ZEB2: variants seen among roughly 807,000 people sequenced by gnomAD.
ZEB2 encodes zinc finger E-box binding homeobox 2, also known as zinc finger E-box-binding homeobox 2.
Under a neutral mutation model 99.9 loss-of-function variants are expected in ZEB2, and 6 were observed. That is an observed-to-expected ratio of 0.06 (90% CI 0.03 to 0.12). The LOEUF (loss-of-function observed/expected upper bound fraction) is 0.12, where lower values mean the gene tolerates loss of function less well. Ranked by LOEUF, ZEB2 falls within the 10% of genes least tolerant of loss-of-function variation. ZEB2 has a pLI of 1.00. For missense variants in ZEB2, 969 were observed against 1,502.8 expected (o/e 0.64, Z 5.87); for synonymous variants, 517 against 542.5 (o/e 0.95, Z 0.65).
Position 144,398,820 on chromosome 2 carries a change from G to C in ZEB2, c.2367C>G (p.Ser789=). Residue 789 remains serine (S), a synonymous_variant, in exon 8 of 10, where the codon TCC becomes TCG. Coordinates refer to ENST00000627532, the MANE Select transcript of ZEB2 (RefSeq NM_014795.4). ...RSNTPSPLNL[S]STSSKNSHSS... The stretch of plus-strand genomic sequence containing the variant: ...TGTGGGAGTTTTTAGAAGATGTGGA[G>C]GAAAGATTTAAGGGAGAAGGAGTAT... 6.2e-7 allele frequency: 1 copy of C among 1,614,056 alleles called. No individual in the cohort carries two copies. Among genetic ancestry groups the C allele is most frequent in the Non-Finnish European group, 8.5e-7 (1 of 1,180,014 alleles).
intron 2 of ZEB2, among the ~76,000 whole-genome samples, chr2:144,460,430 C>T (rs1704176612): frequency 6.6e-6 from 1 of 151,952 alleles, no homozygotes; most frequent in Non-Finnish European, 1.5e-5. Context: ...GCCCAGCCAG[C>T]CTTATAAGCA....
chr2:144,504,199 C>T (rs1436348728), intron 2 of ZEB2: 1 of 151,988 alleles, frequency 6.6e-6, no homozygotes, highest in African/African-American at 2.4e-5. Flanking sequence ...AACTTTCCTT[C>T]CGTTTAATTA....
chr2:144,426,424 G>C (rs536315304), intron 3 of ZEB2: 2 of 151,934 alleles, frequency 1.3e-5, no homozygotes, highest in Non-Finnish European at 2.9e-5. Context: ...ATGTGATTTC[G>C]GGTAGCCAAG....
chr2:144,404,611 G>A (rs955901776), intron 5 of ZEB2, among the ~76,000 whole-genome samples: 1 of 152,138 alleles, frequency 6.6e-6, no homozygotes, highest in African/African-American at 2.4e-5. Context: ...TTAGAAATGG[G>A]CTCTAATTGT....
At chr2:144,490,238 C>A (rs542397516) in intron 2 of ZEB2, among the ~76,000 whole-genome samples, 76 of 152,316 alleles carry the variant, frequency 5.0e-4, no homozygotes, top group Non-Finnish European at 1.0e-3. Context: ...AGTTATTTAA[C>A]TTTGCTAAGC....
intron 2 of ZEB2, chr2:144,463,358 C>T (rs1233281291): frequency 6.6e-6 from 1 of 151,944 alleles, no homozygotes; most frequent in Non-Finnish European, 1.5e-5. Context: ...TGTTTCAAAA[C>T]TAATAGCCAA....
chr2:144,517,081 C>T (rs1705163026), intron 2 of ZEB2, among the ~76,000 whole-genome samples, 197 bp downstream of exon 2: 1 of 150,192 alleles, frequency 6.7e-6, no homozygotes, highest in African/African-American at 2.4e-5. Context: ...CTCACTTTGC[C>T]CGGCACTTCC....
intron 2 of ZEB2, among the ~76,000 whole-genome samples, chr2:144,497,110 C>T (rs567346468): frequency 1.8e-4 from 27 of 152,284 alleles, no homozygotes; most frequent in African/African-American, 5.1e-4. Flanking sequence ...CTCAGCCCAG[C>T]GTGCTGTGCC....
At chr2:144,431,837 G>A (rs1250286576) in intron 2 of ZEB2, among the ~76,000 whole-genome samples, 1 of 139,658 alleles carries the variant, frequency 7.2e-6, no homozygotes. Context: ...GGGTAGGGGG[G>A]AGTGGGAATG....
intron 2 of ZEB2, among the ~76,000 whole-genome samples, chr2:144,506,919 T>G (rs2149928341): frequency 6.6e-6 from 1 of 152,294 alleles, no homozygotes; most frequent in African/African-American, 2.4e-5. Flanking sequence ...CCATTACAGT[T>G]TTTTTAATGT....
At position 144,408,707 on chromosome 2, in the gene ZEB2, T is replaced by G. The variant is rs751220123; in HGVS notation, c.404-3683A>C. Among the ~76,000 whole-genome samples the G allele has an allele frequency of 2.3e-4, 35 of 152,178 alleles. 1 individual carries two copies. Among genetic ancestry groups the G allele is most frequent in the Admixed American group, 1.6e-3 (24 of 15,270 alleles). On this transcript the variant is annotated intron_variant, in intron 4 of 9. Coordinates refer to ENST00000627532, the MANE Select transcript of ZEB2 (RefSeq NM_014795.4). The stretch of plus-strand genomic sequence containing the variant: ...AACATTCACCTTGTCCTAGGAATGC[T>G]TCTCCATTTCCTGATTGCCAAGGCT...
At chr2:144,456,700 A>T (rs1296765395) in intron 2 of ZEB2, among the ~76,000 whole-genome samples, 1 of 152,082 alleles carries the variant, frequency 6.6e-6, no homozygotes, top group Admixed American at 6.6e-5. Flanking sequence ...AGTAAAAACA[A>T]CCCCTTGGTC....
At chr2:144,512,743 C>A in intron 2 of ZEB2, 8 of 1,287,154 alleles carry the variant, frequency 6.2e-6, no homozygotes, top group Non-Finnish European at 8.1e-6. Flanking sequence ...CTTAGTTTTT[C>A]CAGACCAAAA....
intron 6 of ZEB2, 26 bp downstream of exon 6, chr2:144,403,890 G>A: frequency 6.2e-7 from 1 of 1,613,758 alleles, no homozygotes; most frequent in Non-Finnish European, 8.5e-7. Context: ...ATTATAGAAA[G>A]AAATCACTTA....
Position 144,400,087 on chromosome 2 carries a change from G to T in ZEB2, c.1100C>A (p.Thr367Asn), listed in dbSNP as rs1180969206. 3.7e-6 allele frequency: 6 copies of T among 1,613,768 alleles called. No homozygotes were observed. Among genetic ancestry groups the T allele is most frequent in the South Asian group, 2.2e-5 (2 of 91,086 alleles). The change falls in exon 8 of 10, where the codon ACC (threonine) becomes AAC (asparagine). Residue 367 changes from threonine to asparagine, a missense_variant. Thr to Asn is a moderately conservative substitution (Grantham distance 65). Coordinates refer to ENST00000627532, the MANE Select transcript of ZEB2 (RefSeq NM_014795.4). The stretch of plus-strand genomic sequence containing the variant: ...ATTCTCCAACTTGTTTCTTAACTGG[G>T]TAATGGCTGAATTAGTAGGAGAAGA... Reference protein sequence around the residue: ...VSSSPTNSAITQLRNKLENGK... With the variant: ...VSSSPTNSAINQLRNKLENGK...
intron 2 of ZEB2, among the ~76,000 whole-genome samples, chr2:144,434,138 G>A (rs67375672): frequency 0.061 from 9,231 of 152,138 alleles, 340 homozygotes; most frequent in Non-Finnish European, 0.085. Flanking sequence ...GCAATACTTC[G>A]TCTTCACCAG....
At chr2:144,439,686 A>G (rs1443926356) in intron 2 of ZEB2, among the ~76,000 whole-genome samples, 4 of 152,376 alleles carry the variant, frequency 2.6e-5, no homozygotes, top group Non-Finnish European at 1.5e-5. Flanking sequence ...TTTCTGCAAT[A>G]AAAGCGAACA....
intron 2 of ZEB2, among the ~76,000 whole-genome samples, chr2:144,498,198 C>G (rs12465813): frequency 0.62 from 75,917 of 121,540 alleles, 26,724 homozygotes; most frequent in Middle Eastern, 0.78. Context: ...CCACATTGCC[C>G]TGCTAAGCTC....
intron 2 of ZEB2, among the ~76,000 whole-genome samples, chr2:144,458,192 C>G (rs1359584611): frequency 1.3e-5 from 2 of 151,960 alleles, no homozygotes; most frequent in African/African-American, 4.8e-5. Flanking sequence ...CACAACTTCA[C>G]ACTTTTCTGG....
Sources: gnomAD v4.1 joint callset for allele counts (sites outside exome capture counted in the v4.1 genomes callset) on GRCh38, gnomAD v4.1.1 for gene constraint, MANE v1.5 for transcripts, NCBI Gene and HGNC (gene_info 2026-07-23, HGNC 2026-07-21) for gene names.